The following LDB2 variants were observed in gnomAD, a reference collection of about 807,000 sequenced individuals.
LDB2 encodes the protein LIM domain-binding protein 2.
In LDB2, 12 loss-of-function variants were observed where a neutral mutation model predicts 44.3. That is an observed-to-expected ratio of 0.27 (90% CI 0.17 to 0.44). LDB2 has a LOEUF of 0.44. LDB2 is among the 20% of genes least tolerant of loss of function. The pLI, the probability that LDB2 is intolerant of heterozygous loss-of-function variation, is 1.00. For synonymous variants in LDB2, 164 were observed against 174.8 expected (o/e 0.94, Z 0.49); for missense variants, 344 against 473.5 (o/e 0.73, Z 2.54).
chr4:16,659,671 G>GTGTGTACATATATATATATATATATATA (rs1315288524), intron 2 of LDB2, among the ~76,000 whole-genome samples: 3 of 133,522 alleles, frequency 2.2e-5, no homozygotes, highest in Admixed American at 2.1e-4. Flanking sequence ...ATCTATGTGT[G>GTGTGTACATATATATATATATATATATA]TATATATATA....
At chr4:16,536,433 C>T (rs1731891412) in intron 5 of LDB2, among the ~76,000 whole-genome samples, 1 of 152,190 alleles carries the variant, frequency 6.6e-6, no homozygotes, top group African/African-American at 2.4e-5. Flanking sequence ...TGCTGTGCTG[C>T]TGGTCAGATG....
chr4:16,692,499 A>G (rs535911264), intron 2 of LDB2, among the ~76,000 whole-genome samples: 82 of 152,330 alleles, frequency 5.4e-4, no homozygotes, highest in African/African-American at 1.9e-3. Flanking sequence ...TGCCCTGAAC[A>G]TGTAATATTT....
intron 1 of LDB2, among the ~76,000 whole-genome samples, chr4:16,776,651 G>A (rs558438139): frequency 3.3e-5 from 5 of 152,296 alleles, no homozygotes; most frequent in African/African-American, 4.8e-5. Flanking sequence ...ACAAATCCAC[G>A]TCCTTGAAGA....
At chr4:16,835,133 T>A (rs1186692357) in intron 1 of LDB2, among the ~76,000 whole-genome samples, 1 of 152,220 alleles carries the variant, frequency 6.6e-6, no homozygotes, top group Non-Finnish European at 1.5e-5. Context: ...GGCCTTAATT[T>A]CATAAATCAA....
At chr4:16,843,497 G>A (rs1446170071) in intron 1 of LDB2, among the ~76,000 whole-genome samples, 4 of 152,084 alleles carry the variant, frequency 2.6e-5, no homozygotes, top group Admixed American at 2.0e-4. Context: ...TGTATACATA[G>A]TTCATCACCA....
chr4:16,606,667 G>T (rs886892393), intron 2 of LDB2, among the ~76,000 whole-genome samples: 3 of 152,160 alleles, frequency 2.0e-5, no homozygotes, highest in African/African-American at 7.2e-5. Context: ...TTTTCAGATG[G>T]TTTGCAGTTT....
chr4:16,520,428 GA>G (rs778583642), intron 5 of LDB2, among the ~76,000 whole-genome samples: 4 of 152,186 alleles, frequency 2.6e-5, no homozygotes, highest in African/African-American at 4.8e-5. Context: ...CTTTCCCTTA[GA>G]AGCGATGCAA....
chr4:16,557,774 C>T, intron 5 of LDB2, among the ~76,000 whole-genome samples: 1 of 152,140 alleles, frequency 6.6e-6, no homozygotes, highest in Admixed American at 6.5e-5. Context: ...CAAGTGGGTC[C>T]CTGACCCCTG....
chr4:16,514,942 C>G (rs549930729), intron 5 of LDB2, among the ~76,000 whole-genome samples: 45 of 152,252 alleles, frequency 3.0e-4, no homozygotes, highest in African/African-American at 9.9e-4. Flanking sequence ...AGGGTATATC[C>G]CCAAATGAAG....
chr4:16,814,416 T>G (rs1279160993), intron 1 of LDB2, among the ~76,000 whole-genome samples: 2 of 152,180 alleles, frequency 1.3e-5, no homozygotes, highest in African/African-American at 2.4e-5. Flanking sequence ...AAAAATGGTT[T>G]CCATCTAGAG....
intron 1 of LDB2, among the ~76,000 whole-genome samples, chr4:16,785,132 A>G (rs1249524945): frequency 6.6e-6 from 1 of 152,172 alleles, no homozygotes; most frequent in Non-Finnish European, 1.5e-5. Flanking sequence ...TGTAAAAATA[A>G]ATCCTTTTTC....
rs116088969 is a variant in LDB2, at chr4:16,647,324, G to A, written c.236-51449C>T. Among the ~76,000 whole-genome samples the A allele has an allele frequency of 2.8e-3, 426 of 152,276 alleles. 1 individual carries two copies. Among genetic ancestry groups the A allele is most frequent in the African/African-American group, 1.0e-2 (415 of 41,538 alleles). ...AATGAGTATGGAGTTCCTTCTTAGA[G>A]TGATGAAAATGTTCTAAAATTGATT... On this transcript the variant is annotated intron_variant, in intron 2 of 7. Coordinates refer to ENST00000304523, the MANE Select transcript of LDB2 (RefSeq NM_001290.5).
chr4:16,785,584 G>A (rs1774250456), intron 1 of LDB2, among the ~76,000 whole-genome samples: 1 of 152,170 alleles, frequency 6.6e-6, no homozygotes, highest in Non-Finnish European at 1.5e-5. Context: ...AGAAAACAAT[G>A]TTCTGTAATG....
intron 3 of LDB2, among the ~76,000 whole-genome samples, chr4:16,595,129 T>C (rs1239472626): frequency 1.3e-5 from 2 of 152,152 alleles, no homozygotes; most frequent in African/African-American, 2.4e-5. Flanking sequence ...GAATTCAGCC[T>C]CAAACATTGT....
At chr4:16,523,899 AC>A (rs1269259996) in intron 5 of LDB2, among the ~76,000 whole-genome samples, 2 of 152,212 alleles carry the variant, frequency 1.3e-5, no homozygotes, top group African/African-American at 4.8e-5. Context: ...GGTAAGAAAG[AC>A]CTGCAGCAAC....
intron 1 of LDB2, among the ~76,000 whole-genome samples, chr4:16,804,755 A>T (rs1778464023): frequency 6.6e-6 from 1 of 152,168 alleles, no homozygotes; most frequent in Non-Finnish European, 1.5e-5. Flanking sequence ...GATATTTGCT[A>T]GGTTTAATTA....
chr4:16,573,637 T>G (rs1171764080), intron 5 of LDB2, among the ~76,000 whole-genome samples: 2 of 152,232 alleles, frequency 1.3e-5, no homozygotes, highest in African/African-American at 4.8e-5. Context: ...TGAGGATTTA[T>G]AGTATCCTGG....
chr4:16,883,130 A>G (rs145837855), intron 1 of LDB2, among the ~76,000 whole-genome samples: 3 of 152,366 alleles, frequency 2.0e-5, no homozygotes, highest in African/African-American at 7.2e-5. Flanking sequence ...GCCGAAAGGC[A>G]AGACACTGTG....
intron 2 of LDB2, among the ~76,000 whole-genome samples, chr4:16,711,054 A>G (rs778704199): frequency 1.3e-5 from 2 of 152,250 alleles, no homozygotes; most frequent in Non-Finnish European, 2.9e-5. Context: ...CAACAATGCT[A>G]TTGAGTATCA....
Sources: gnomAD v4.1 joint callset for allele counts (sites outside exome capture counted in the v4.1 genomes callset) on GRCh38, gnomAD v4.1.1 for gene constraint, MANE v1.5 for transcripts, NCBI Gene and HGNC (gene_info 2026-07-23, HGNC 2026-07-21) for gene names.